The following CSMD1 variants were observed in gnomAD, a reference collection of about 807,000 sequenced individuals.
The protein encoded by CSMD1 is CUB and Sushi multiple domains 1, also known as CUB and sushi domain-containing protein 1.
In CSMD1, 213 loss-of-function variants were observed where a neutral mutation model predicts 417.5. The observed-to-expected ratio is 0.51, with a 90% CI of 0.46 to 0.57. The LOEUF (loss-of-function observed/expected upper bound fraction) is 0.57. Ranked by LOEUF, CSMD1 falls within the 20% of genes least tolerant of loss-of-function variation. The pLI, the probability that CSMD1 is intolerant of heterozygous loss-of-function variation, is 0.00. For synonymous variants in CSMD1, 2,862 were observed against 1,736.8 expected, an observed-to-expected ratio of 1.65 and a Z score of -16.11; for missense variants, 6,923 against 4,529.7, an observed-to-expected ratio of 1.53 and a Z score of -15.17.
chr8:4,453,819 T>G lies in CSMD1; in HGVS notation c.303-33754A>C, dbSNP rs1382378749. ...CAAGATTGCGCAATTCGTTTCTTTT[T>G]TTTTTTTTTTTTTTTTTTTTGAGAC... On this transcript the variant is annotated intron_variant, in intron 2 of 69. Coordinates refer to ENST00000635120, the MANE Select transcript of CSMD1 (RefSeq NM_033225.6). 3.1e-3 allele frequency among the ~76,000 whole-genome samples: 363 copies of G among 115,354 alleles called. 2 individuals carry two copies. Among genetic ancestry groups the G allele is most frequent in the African/African-American group, 0.014 (344 of 25,126 alleles). The allele number at this position is 115,354 out of a possible 152,430, so 75.7% of individuals were successfully genotyped here.
intron 18 of CSMD1, among the ~76,000 whole-genome samples, chr8:3,370,009 T>G (rs868423746): frequency 6.6e-6 from 1 of 152,186 alleles, no homozygotes; most frequent in Non-Finnish European, 1.5e-5. Context: ...TTTGCAATGA[T>G]TGCCATTGTA....
intron 3 of CSMD1, among the ~76,000 whole-genome samples, chr8:4,364,084 G>T (rs1242482589): frequency 3.3e-5 from 5 of 152,080 alleles, no homozygotes. Flanking sequence ...AGTGCTTGAG[G>T]GAATAGCTAC....
chr8:3,794,133 T>G (rs1585008175), intron 5 of CSMD1, among the ~76,000 whole-genome samples: 2 of 152,016 alleles, frequency 1.3e-5, no homozygotes, highest in East Asian at 1.9e-4. Context: ...AATGAACCGG[T>G]GTTTGTGTTT....
chr8:3,660,654 G>A (rs1798369341), intron 7 of CSMD1, among the ~76,000 whole-genome samples: 1 of 151,500 alleles, frequency 6.6e-6, no homozygotes, highest in Non-Finnish European at 1.5e-5. Context: ...CTGAGTAGCT[G>A]GGATTACAGG....
intron 8 of CSMD1, among the ~76,000 whole-genome samples, chr8:3,588,005 T>C (rs1459279910): frequency 6.6e-6 from 1 of 152,158 alleles, no homozygotes. Context: ...ATTTAAGATA[T>C]CTGTAATTGT....
At chr8:3,521,128 C>A (rs1484805357) in intron 10 of CSMD1, among the ~76,000 whole-genome samples, 1 of 151,490 alleles carries the variant, frequency 6.6e-6, no homozygotes, top group African/African-American at 2.4e-5. Flanking sequence ...AGTCACCATT[C>A]CAGTCCATCC....
At chr8:4,763,561 T>C (rs977461519) in intron 1 of CSMD1, among the ~76,000 whole-genome samples, 4 of 152,190 alleles carry the variant, frequency 2.6e-5, no homozygotes, top group African/African-American at 7.2e-5. Flanking sequence ...AGAGCAGATC[T>C]ATTGTCTTAC....
chr8:3,079,320 T>G (rs887066191), intron 49 of CSMD1, among the ~76,000 whole-genome samples: 2 of 152,178 alleles, frequency 1.3e-5, no homozygotes, highest in African/African-American at 2.4e-5. Flanking sequence ...TGTGTCTATA[T>G]ATAAAGAGAG....
At chr8:4,272,843 A>G (rs1272764753) in intron 3 of CSMD1, among the ~76,000 whole-genome samples, 1 of 152,184 alleles carries the variant, frequency 6.6e-6, no homozygotes. Flanking sequence ...CTTGATGAAT[A>G]AGTCTCGACA....
intron 3 of CSMD1, among the ~76,000 whole-genome samples, chr8:4,277,978 A>AAC (rs1161142408): frequency 6.6e-6 from 1 of 151,966 alleles, no homozygotes; most frequent in Non-Finnish European, 1.5e-5. Context: ...TTGAACTCCT[A>AAC]ACCTCGTGAT....
chr8:4,395,367 T>C (rs747023382), intron 3 of CSMD1, among the ~76,000 whole-genome samples: 73 of 152,036 alleles, frequency 4.8e-4, no homozygotes, highest in Non-Finnish European at 9.6e-4. Context: ...ACTAGGGGAG[T>C]AGTCCCAATA....
chr8:3,697,549 A>C (rs1585092668), intron 7 of CSMD1, among the ~76,000 whole-genome samples: 1 of 152,184 alleles, frequency 6.6e-6, no homozygotes, highest in African/African-American at 2.4e-5. Flanking sequence ...TTAGTTACTC[A>C]CTAACAAAGA....
intron 3 of CSMD1, among the ~76,000 whole-genome samples, chr8:4,295,091 TACACACATATAATCTTAAGATTACACAC>T (rs1170805855): frequency 4.8e-5 from 5 of 103,650 alleles, no homozygotes; most frequent in Admixed American, 2.1e-4. Flanking sequence ...ATCTTAAGAT[TACACACATATAATCTTAAGATTACACAC>T]ATATAATCTT....
At chr8:4,139,116 C>G (rs73176390) in intron 3 of CSMD1, among the ~76,000 whole-genome samples, 45,016 of 151,958 alleles carry the variant, frequency 0.3, 8,108 homozygotes, top group Non-Finnish European at 0.39. Context: ...CATGAAGACC[C>G]CTGTGATTCT....
In CSMD1 at chr8:3,052,650, G is replaced by T; in HGVS notation, c.7475-3C>A. The stretch of plus-strand genomic sequence containing the variant: ...TTCTGGGATTCCACAGGACACAGCT[G>T]AAAAGAAATGAAACAAATGTAGGCT... On this transcript the variant is annotated splice_polypyrimidine_tract_variant and splice_region_variant and intron_variant, in intron 49 of 69. Transcript: ENST00000635120. 6.3e-7 allele frequency: 1 copy of T among 1,579,200 alleles called. No homozygotes were observed. Among genetic ancestry groups the T allele is most frequent in the Non-Finnish European group, 8.6e-7 (1 of 1,163,510 alleles).
intron 2 of CSMD1, among the ~76,000 whole-genome samples, chr8:4,564,406 T>C (rs1258522278): frequency 6.6e-6 from 1 of 152,212 alleles, no homozygotes; most frequent in East Asian, 1.9e-4. Context: ...CTCACTGTTC[T>C]GGACAGTGGA....
intron 10 of CSMD1, among the ~76,000 whole-genome samples, chr8:3,573,648 A>C (rs1004000021): frequency 1.3e-5 from 2 of 152,226 alleles, no homozygotes; most frequent in African/African-American, 4.8e-5. Context: ...CTAAAATCAG[A>C]ACATTTCTCT....
rs149354968 is a variant in CSMD1, at chr8:3,662,453, G to C, written c.1010-45656C>G. ...CCAGTCTATTATTGATGGGCATTTG[G>C]GTTGGTTCCAAGTCTTGGTTATTGT... is the stretch of plus-strand genomic sequence containing the variant. On this transcript the variant is annotated intron_variant, in intron 7 of 69. Transcript: ENST00000635120. Among the ~76,000 whole-genome samples the C allele has an allele frequency of 3.3e-5, 5 of 152,048 alleles. No homozygotes were observed. The South Asian group carries it at 6.2e-4, about 19-fold the overall frequency.
At chr8:4,163,420 G>A (rs985579624) in intron 3 of CSMD1, among the ~76,000 whole-genome samples, 1 of 152,034 alleles carries the variant, frequency 6.6e-6, no homozygotes, top group Non-Finnish European at 1.5e-5. Context: ...ATGGATTTTG[G>A]CCAATTTCTT....
Sources: gnomAD v4.1 joint callset for allele counts (sites outside exome capture counted in the v4.1 genomes callset) on GRCh38, gnomAD v4.1.1 for gene constraint, MANE v1.5 for transcripts, NCBI Gene and HGNC (gene_info 2026-07-23, HGNC 2026-07-21) for gene names.